Variants in NEURL1 observed in about 807,000 individuals in gnomAD.
NEURL1 encodes the protein E3 ubiquitin-protein ligase NEURL1.
Under a neutral mutation model 41.2 loss-of-function variants are expected in NEURL1, and 26 were observed. That is an observed-to-expected ratio of 0.63 (90% confidence interval 0.46 to 0.87). The LOEUF (loss-of-function observed/expected upper bound fraction) is 0.87. NEURL1 is among the 40% of genes least tolerant of loss of function. The probability of loss-of-function intolerance (pLI) is 0.00; values close to 1 mark genes in which losing one functional copy is unlikely to be tolerated. For missense variants in NEURL1, 761 were observed against 871.1 expected, an observed-to-expected ratio of 0.87 and a Z score of 1.59; for synonymous variants, 400 against 402.3, an observed-to-expected ratio of 0.99 and a Z score of 0.07.
chr10:103,530,689 C>T (rs564383510), intron 1 of NEURL1, among the ~76,000 whole-genome samples: 71 of 151,862 alleles, frequency 4.7e-4, no homozygotes, highest in Non-Finnish European at 9.1e-4. Flanking sequence ...TACAGGTGTG[C>T]GCCACCACAG....
chr10:103,570,773 GACTTCTGGTCATGC>G, intron 1 of NEURL1, 85 bp from the exon 2 acceptor site: 2 of 1,520,980 alleles, frequency 1.3e-6, no homozygotes, highest in Non-Finnish European at 1.8e-6. Flanking sequence ...GGCTCTGGGT[GACTTCTGGTCATGC>G]CCAGCCTCTG....
chr10:103,555,989 C>T (rs1470606968), intron 1 of NEURL1, among the ~76,000 whole-genome samples: 1 of 152,234 alleles, frequency 6.6e-6, no homozygotes, highest in African/African-American at 2.4e-5. Context: ...TGGGTGTGCA[C>T]CTGTGCCGGC....
At chr10:103,551,346 A>G (rs937912587) in intron 1 of NEURL1, among the ~76,000 whole-genome samples, 1 of 127,334 alleles carries the variant, frequency 7.9e-6, no homozygotes, top group African/African-American at 3.2e-5. Flanking sequence ...TCTGTCGCCC[A>G]GGCTGGACTG....
At chr10:103,543,103 G>A (rs750959218) in intron 1 of NEURL1, among the ~76,000 whole-genome samples, 1 of 152,154 alleles carries the variant, frequency 6.6e-6, no homozygotes, top group Non-Finnish European at 1.5e-5. Flanking sequence ...GTCCCCTGCC[G>A]CTTTAATCCG....
chr10:103,536,404 C>T (rs1352495957), intron 1 of NEURL1, among the ~76,000 whole-genome samples: 3 of 151,978 alleles, frequency 2.0e-5, no homozygotes, highest in Non-Finnish European at 2.9e-5. Context: ...ATTAGCTGGG[C>T]GTGGGGGTGG....
At chr10:103,576,047 G>A (rs1458900653) in intron 3 of NEURL1, among the ~76,000 whole-genome samples, 1 of 152,240 alleles carries the variant, frequency 6.6e-6, no homozygotes, top group African/African-American at 2.4e-5. Flanking sequence ...ACTAAGCGGG[G>A]GCAGGTGGGA....
intron 1 of NEURL1, among the ~76,000 whole-genome samples, chr10:103,565,725 C>T (rs1055196694): frequency 1.2e-4 from 18 of 152,300 alleles, no homozygotes; most frequent in Middle Eastern, 3.4e-3. Flanking sequence ...GGTGCTCTCA[C>T]GGCTCCCTGC....
intron 1 of NEURL1, among the ~76,000 whole-genome samples, chr10:103,540,878 A>G (rs920443541): frequency 6.6e-6 from 1 of 152,196 alleles, no homozygotes; most frequent in African/African-American, 2.4e-5. Flanking sequence ...GACAGCTTCA[A>G]TATTCATTGG....
intron 1 of NEURL1, among the ~76,000 whole-genome samples, chr10:103,543,258 T>A (rs1192455977): frequency 6.6e-6 from 1 of 152,216 alleles, no homozygotes; most frequent in Admixed American, 6.5e-5. Context: ...GGCTCCCCCA[T>A]GTTCCAGGAC....
At chr10:103,540,297 T>A (rs192477547) in intron 1 of NEURL1, among the ~76,000 whole-genome samples, 2,808 of 152,042 alleles carry the variant, frequency 0.018, 53 homozygotes, top group African/African-American at 0.045. Flanking sequence ...GACTTTTTTT[T>A]TAAATTTTTT....
chr10:103,589,362 A>C, intron 4 of NEURL1, 152 bp from the exon 5 acceptor site: 2 of 777,462 alleles, frequency 2.6e-6, no homozygotes, highest in Non-Finnish European at 4.0e-6. Context: ...GGTAATATCA[A>C]ATGATCCCCG....
rs551039857 is a variant in NEURL1, at chr10:103,576,529, T to C, written c.649+4707T>C. Among the ~76,000 whole-genome samples, 3 of 152,236 alleles carry C rather than the reference T, an allele frequency of 2.0e-5. No individual in the cohort carries two copies. In the East Asian group the frequency reaches 5.8e-4, roughly 29 times the overall value. On this transcript the variant is annotated intron_variant, in intron 3 of 5. Coordinates refer to ENST00000369780, the MANE Select transcript of NEURL1 (RefSeq NM_004210.5). ...TGTCAAGTTGTTCAGTAAGAGGGAC[T>C]GGCTGGTTGACAGTGGAGAAGTATG...
intron 1 of NEURL1, among the ~76,000 whole-genome samples, chr10:103,538,819 G>T (rs1289276269): frequency 6.6e-6 from 1 of 151,070 alleles, no homozygotes; most frequent in Non-Finnish European, 1.5e-5. Flanking sequence ...GCTAATTTTC[G>T]TAATTTTAGT....
At position 103,556,233 on chromosome 10, in the gene NEURL1, G is replaced by A. The variant is rs555056536; in HGVS notation, c.86-14639G>A. Among the ~76,000 whole-genome samples, 9 of 152,344 alleles carry A rather than the reference G, an allele frequency of 5.9e-5. No individual in the cohort carries two copies. The highest frequency in any genetic ancestry group is 2.1e-4 in the South Asian group (1 of 4,830). On this transcript the variant is annotated intron_variant, in intron 1 of 5. Coordinates refer to ENST00000369780, the MANE Select transcript of NEURL1 (RefSeq NM_004210.5). The surrounding 1 kb of genome is among the most constrained non-coding windows in gnomAD (Gnocchi z 4.4). ...CAAACCCTGTCCTCTTGTTCCCCTA[G>A]CTCTAGTACTGTGGTCTTGGGAGCG...
intron 1 of NEURL1, among the ~76,000 whole-genome samples, chr10:103,507,371 AG>A (rs1034494437): frequency 6.6e-6 from 1 of 151,996 alleles, no homozygotes; most frequent in African/African-American, 2.4e-5. Flanking sequence ...AGAGATGGGG[AG>A]GGGTGGAGAG....
chr10:103,588,671 G>A (rs2035972751), intron 4 of NEURL1: 3 of 415,774 alleles, frequency 7.2e-6, no homozygotes, highest in Non-Finnish European at 1.5e-5. Context: ...GGAAGGCCGG[G>A]CGCAGCGGCT....
intron 1 of NEURL1, among the ~76,000 whole-genome samples, chr10:103,502,064 G>C (rs1053747087): frequency 9.2e-5 from 14 of 152,162 alleles, no homozygotes; most frequent in Non-Finnish European, 1.9e-4. Flanking sequence ...ACTGTGCCAG[G>C]CTCTTATTAT....
Position 103,570,895 on chromosome 10 carries a change from G to A in NEURL1, c.109G>A (p.Val37Ile), listed in dbSNP as rs143041435. The change falls in exon 2 of 6, where the codon GTC (valine) becomes ATC (isoleucine). Residue 37 changes from valine to isoleucine, a missense_variant. Transcript: ENST00000369780. ...AGACTCTATCGGGGGCCCCTTCCCC[G>A]TCACTTCTCACCGATGCCACCACAA... ...LKDSIGGPFPVTSHRCHHKQK... is the reference protein window; with the variant it reads ...LKDSIGGPFPITSHRCHHKQK... 16 of 1,613,372 alleles carry A rather than the reference G, an allele frequency of 9.9e-6. No individual in the cohort carries two copies. The highest frequency in any genetic ancestry group is 4.0e-5 in the African/African-American group (3 of 74,846).
chr10:103,574,967 T>G (rs1227319418), intron 3 of NEURL1, among the ~76,000 whole-genome samples: 1 of 147,270 alleles, frequency 6.8e-6, no homozygotes, highest in African/African-American at 2.5e-5. Flanking sequence ...GATTGAGATA[T>G]CCCTTCATTT....
Sources: allele counts gnomAD v4.1 joint callset (sites outside exome capture counted in the v4.1 genomes callset), GRCh38; gene constraint gnomAD v4.1.1; non-coding constraint Gnocchi (gnomAD v3.1); transcripts MANE v1.5; gene names NCBI Gene and HGNC (gene_info 2026-07-23, HGNC 2026-07-21).